The following RP1 variants were observed in gnomAD, a reference collection of about 807,000 sequenced individuals.
RP1 encodes the protein RP1 axonemal microtubule associated, also known as oxygen-regulated protein 1.
In RP1, 16 loss-of-function variants were observed where a neutral mutation model predicts 14.8. The observed-to-expected ratio is 1.08, with a 90% CI of 0.73 to 1.65. The LOEUF (loss-of-function observed/expected upper bound fraction) is 1.65, where lower values mean the gene tolerates loss of function less well. RP1 is among the 40% of genes most tolerant of loss of function. The probability of loss-of-function intolerance (pLI) is 0.00; values close to 1 mark genes in which losing one functional copy is unlikely to be tolerated. For synonymous variants in RP1, 876 were observed against 883.6 expected (o/e 0.99, Z 0.15); for missense variants, 2,631 against 2,535.0 (o/e 1.04, Z -0.81).
At chr8:54,570,257 G>T (rs903470377) in intron 1 of RP1, among the ~76,000 whole-genome samples, 12 of 152,224 alleles carry the variant, frequency 7.9e-5, no homozygotes, top group Middle Eastern at 3.4e-3. Flanking sequence ...ATTCATCCTG[G>T]CTGGATGCTG....
chr8:54,655,775 C>CA (rs1806742164), intron 5 of RP1, among the ~76,000 whole-genome samples: 2 of 152,080 alleles, frequency 1.3e-5, no homozygotes, highest in South Asian at 4.1e-4. Flanking sequence ...CCCAGCTACT[C>CA]AGGAGGCTGA....
intron 27 of RP1, among the ~76,000 whole-genome samples, chr8:54,858,467 A>C (rs568893536): frequency 6.6e-6 from 1 of 152,122 alleles, no homozygotes; most frequent in South Asian, 2.1e-4. Flanking sequence ...ACTGTAGAGC[A>C]CTGTCACTGT....
intron 19 of RP1, among the ~76,000 whole-genome samples, chr8:54,746,668 T>C (rs900508192): frequency 2.0e-5 from 3 of 152,234 alleles, no homozygotes; most frequent in African/African-American, 7.2e-5. Flanking sequence ...TTTTCTTTTT[T>C]TTATTCTCTG....
intron 26 of RP1, among the ~76,000 whole-genome samples, chr8:54,856,543 T>C (rs765374842): frequency 6.6e-6 from 1 of 152,216 alleles, no homozygotes; most frequent in African/African-American, 2.4e-5. Flanking sequence ...GATAGCTTCC[T>C]GAGTCTGAGA....
chr8:54,744,971 G>A (rs1212551563), intron 19 of RP1, among the ~76,000 whole-genome samples: 1 of 152,046 alleles, frequency 6.6e-6, no homozygotes, highest in East Asian at 1.9e-4. Context: ...TTGGACTTTG[G>A]TACTAAAATA....
At chr8:54,839,664 C>T (rs1034359271) in intron 25 of RP1, among the ~76,000 whole-genome samples, 10 of 152,250 alleles carry the variant, frequency 6.6e-5, no homozygotes, top group African/African-American at 2.4e-4. Flanking sequence ...AGGAACTGGG[C>T]TTCTCTCCAC....
chr8:54,612,932 C>T (rs1805630414), upstream of RP1, among the ~76,000 whole-genome samples: 1 of 152,228 alleles, frequency 6.6e-6, no homozygotes, highest in African/African-American at 2.4e-5. Context: ...CACTGCCACT[C>T]CTACTTTACC....
chr8:54,815,781 C>T (rs1811121588), intron 24 of RP1, among the ~76,000 whole-genome samples: 1 of 152,126 alleles, frequency 6.6e-6, no homozygotes, highest in South Asian at 2.1e-4. Context: ...AGATGTCTGA[C>T]TTAGAGTTCT....
chr8:54,761,330 G>T (rs962215506), intron 22 of RP1, among the ~76,000 whole-genome samples: 1 of 147,360 alleles, frequency 6.8e-6, no homozygotes, highest in African/African-American at 2.5e-5. Context: ...TTCACCTCCT[G>T]GGTTGAAGCA....
intron 17 of RP1, among the ~76,000 whole-genome samples, chr8:54,730,297 T>C (rs1245071909): frequency 6.6e-6 from 1 of 152,142 alleles, no homozygotes; most frequent in Non-Finnish European, 1.5e-5. Context: ...TATATGTATA[T>C]AAATATACCA....
downstream of RP1, among the ~76,000 whole-genome samples, chr8:54,773,166 CT>C (rs1439488677): frequency 6.6e-6 from 1 of 152,116 alleles, no homozygotes; most frequent in Admixed American, 6.6e-5. Context: ...CAGTCCTCAC[CT>C]TCTCGTTTGC....
chr8:54,576,003 A>G (rs1359654646), intron 1 of RP1, among the ~76,000 whole-genome samples: 3 of 151,544 alleles, frequency 2.0e-5, no homozygotes, highest in East Asian at 1.9e-4. Context: ...TGCTATTTAT[A>G]TATCCTAGGG....
intron 1 of RP1, 82 bp from the exon 2 acceptor site, chr8:54,620,873 C>A: frequency 7.9e-7 from 1 of 1,264,950 alleles, no homozygotes; most frequent in Non-Finnish European, 1.2e-6. Context: ...TGGATGTCTG[C>A]AGCTATATTT....
chr8:54,613,639 G>C (rs922252431), upstream of RP1, among the ~76,000 whole-genome samples: 1 of 152,138 alleles, frequency 6.6e-6, no homozygotes, highest in Admixed American at 6.5e-5. Context: ...TTCATTCAGC[G>C]TGTTGATGTA....
At chr8:54,800,453 C>A (rs1480708393) in intron 24 of RP1, among the ~76,000 whole-genome samples, 1 of 151,810 alleles carries the variant, frequency 6.6e-6, no homozygotes, top group South Asian at 2.1e-4. Flanking sequence ...ATTTCTCATG[C>A]CCTGTTCTCT....
At chr8:54,727,652 A>G (rs1563359172) in intron 17 of RP1, among the ~76,000 whole-genome samples, 1 of 152,120 alleles carries the variant, frequency 6.6e-6, no homozygotes, top group East Asian at 1.9e-4. Flanking sequence ...TGATAAACAT[A>G]GACCTTTTCA....
chr8:54,727,950 G>A (rs993528706), intron 17 of RP1, among the ~76,000 whole-genome samples: 1 of 151,946 alleles, frequency 6.6e-6, no homozygotes, highest in Non-Finnish European at 1.5e-5. Flanking sequence ...GAAATGGAGA[G>A]TGGGCCAAAG....
chr8:54,588,740 G>T (rs1055260199), intron 1 of RP1, among the ~76,000 whole-genome samples: 1 of 152,162 alleles, frequency 6.6e-6, no homozygotes, highest in African/African-American at 2.4e-5. Flanking sequence ...ATGTACATGG[G>T]CCTCCCTTAA....
At chr8:54,652,296 T>C (rs1484609824) in intron 4 of RP1, among the ~76,000 whole-genome samples, 1 of 152,218 alleles carries the variant, frequency 6.6e-6, no homozygotes, top group African/African-American at 2.4e-5. Context: ...GTTTGCCTTA[T>C]AATACTGATT....
Sources: gnomAD v4.1 joint callset for allele counts (sites outside exome capture counted in the v4.1 genomes callset) on GRCh38, gnomAD v4.1.1 for gene constraint, MANE v1.5 for transcripts, NCBI Gene and HGNC (gene_info 2026-07-23, HGNC 2026-07-21) for gene names.